BRD3: variants seen among roughly 807,000 people sequenced by gnomAD.
BRD3 encodes bromodomain-containing protein 3.
In BRD3, 17 loss-of-function variants were observed where a neutral mutation model predicts 66.8. The ratio of observed to expected loss-of-function variants is 0.25; its 90% confidence interval spans 0.17 to 0.38. The LOEUF (loss-of-function observed/expected upper bound fraction) is 0.38. Among genes scored for constraint, BRD3 ranks in the 10% least tolerant of loss-of-function variants. The pLI, the probability that BRD3 is intolerant of heterozygous loss-of-function variation, is 1.00. For missense variants in BRD3, 713 were observed against 956.1 expected, an observed-to-expected ratio of 0.75 and a Z score of 3.35; for synonymous variants, 421 against 393.2, an observed-to-expected ratio of 1.07 and a Z score of -0.84.
At position 134,041,949 on chromosome 9, in the gene BRD3, G is replaced by A. The variant is rs375935237; in HGVS notation, c.1218C>T (p.Asp406=). ...TCTTGGCAAACCTCATCTCAAACAC[G>A]TCCTGCGGCAGAACAGAGGCTGCCC... ...EVVAMARKLQ[D]VFEMRFAKMP... Residue 406 remains aspartate, a splice_region_variant and synonymous_variant, in exon 8 of 12, where the codon GAC becomes GAT. Transcript: ENST00000303407. 32 of 1,576,312 alleles carry A rather than the reference G, an allele frequency of 2.0e-5. No homozygotes were observed. Among genetic ancestry groups the A allele is most frequent in the African/African-American group, 6.7e-5 (5 of 74,168 alleles).
chr9:134,048,348 T>C lies in BRD3; in HGVS notation c.821A>G (p.Lys274Arg). 6.3e-7 allele frequency: 1 copy of C among 1,599,278 alleles called. No homozygotes were observed. The highest frequency in any genetic ancestry group is 1.1e-5 in the South Asian group (1 of 91,070). Residue 274 changes from lysine (K) to arginine (R), a missense_variant, in exon 6 of 12, where the codon AAA becomes AGA. Around this residue, in one of 5 missense-constraint regions of BRD3, gnomAD observed 418 missense variants for 609.3 expected, o/e 0.69. Transcript: ENST00000303407. ...PPPLSDPKQA[K>R]VVARRESGGR... Reference sequence around the variant, plus strand: ...ACCACTCTCCCGCCGGGCCACCACTTTGGCCTGCTTGGGGTCTGACAACGG... The same window carrying C: ...ACCACTCTCCCGCCGGGCCACCACTCTGGCCTGCTTGGGGTCTGACAACGG...
chr9:134,048,236 G>C lies in BRD3; in HGVS notation c.933C>G (p.His311Gln). 6.2e-7 allele frequency: 1 copy of C among 1,612,342 alleles called. No individual in the cohort carries two copies. Among genetic ancestry groups the C allele is most frequent in the South Asian group, 1.1e-5 (1 of 91,028 alleles). The stretch of plus-strand genomic sequence containing the variant: ...TGAGGATGCTGTCGCAGTAGCGTAG[G>C]TGCTCCGACAGCTTGCCCTTCTTGC... The part of the protein sequence containing the change: ...HAGKKGKLSE[H>Q]LRYCDSILRE... The change falls in exon 6 of 12, where the codon CAC becomes CAG. Residue 311 changes from histidine to glutamine, a missense_variant. By Grantham distance (24) the His-to-Gln change is conservative. Around this residue, in one of 5 missense-constraint regions of BRD3, gnomAD observed 418 missense variants for 609.3 expected, o/e 0.69. Transcript: ENST00000303407.
chr9:134,046,845 G>A (rs898907185), intron 6 of BRD3, among the ~76,000 whole-genome samples: 7 of 152,212 alleles, frequency 4.6e-5, no homozygotes, highest in Non-Finnish European at 1.0e-4. Flanking sequence ...TTTTTCTAGA[G>A]CTTCTTTATT....
At chr9:134,047,976 C>A in intron 6 of BRD3, 107 bp downstream of exon 6, 2 of 1,395,488 alleles carry the variant, frequency 1.4e-6, no homozygotes, top group Non-Finnish European at 9.4e-7. Context: ...CTCCGGCAAG[C>A]GAGACCCTGC....
chr9:134,044,400 G>T (rs1369131191), intron 7 of BRD3, among the ~76,000 whole-genome samples: 1 of 152,152 alleles, frequency 6.6e-6, no homozygotes, highest in Admixed American at 6.5e-5. Context: ...GCTGCTCGGG[G>T]ATTTCAAAAC....
chr9:134,042,422 C>T (rs1021907585), intron 7 of BRD3, among the ~76,000 whole-genome samples: 3 of 152,256 alleles, frequency 2.0e-5, no homozygotes, highest in African/African-American at 7.2e-5. Flanking sequence ...CGGTGAACTC[C>T]AAAAGTTGGC....
At chr9:134,036,926 G>A (rs1335947782) in intron 9 of BRD3, among the ~76,000 whole-genome samples, 1 of 151,798 alleles carries the variant, frequency 6.6e-6, no homozygotes, top group Non-Finnish European at 1.5e-5. Context: ...CAGGAGAATC[G>A]CTTGAACCAG....
chr9:134,048,917 G>A (rs528851074), intron 5 of BRD3, among the ~76,000 whole-genome samples: 16 of 152,288 alleles, frequency 1.1e-4, no homozygotes, highest in Admixed American at 3.9e-4. Context: ...GGGGCTCCGC[G>A]GACAAACACA....
chr9:134,056,335 G>T (rs1241707256), intron 1 of BRD3, among the ~76,000 whole-genome samples: 2 of 152,202 alleles, frequency 1.3e-5, no homozygotes, highest in African/African-American at 4.8e-5. Context: ...AGGCTGAGGG[G>T]TGCAGTATAA....
intron 1 of BRD3, among the ~76,000 whole-genome samples, chr9:134,063,153 C>T (rs1009682474): frequency 4.6e-5 from 7 of 152,254 alleles, no homozygotes; most frequent in African/African-American, 1.7e-4. Context: ...TTGGTTATTT[C>T]GTCTATGTTC....
chr9:134,040,267 C>T lies in BRD3; in HGVS notation c.1410G>A (p.Leu470=). The part of the protein sequence containing the change: ...ATRLAELQEQ[L]KAVHEQLAAL... ...CGGCCAGCTGCTCGTGCACGGCCTTCAGCTGGAAAAGAGCGGGCGGCTGAG... is the reference window on the plus strand; with the variant it reads ...CGGCCAGCTGCTCGTGCACGGCCTTTAGCTGGAAAAGAGCGGGCGGCTGAG... Residue 470 remains leucine, a splice_region_variant and synonymous_variant, in exon 9 of 12, where the codon CTG becomes CTA. Transcript: ENST00000303407. 1 of 1,594,750 alleles carries T rather than the reference C, an allele frequency of 6.3e-7. No homozygotes were observed. The highest frequency in any genetic ancestry group is 8.5e-7 in the Non-Finnish European group (1 of 1,171,898).
rs190237943 is a variant in BRD3, at chr9:134,066,012, T to C, written c.-114+1933A>G. 2.9e-3 allele frequency among the ~76,000 whole-genome samples: 434 copies of C among 152,004 alleles called. 7 individuals carry two copies. The highest frequency in any genetic ancestry group is 0.025 in the Admixed American group (376 of 15,286). On this transcript the variant is annotated intron_variant, in intron 1 of 11. Transcript: ENST00000303407. ...GTCCTTCATTCAAAGCTCACTCACT[T>C]CCGAAGCAGGCGCGAGCTGTTGTCA... is the stretch of plus-strand genomic sequence containing the variant.
In BRD3 at chr9:134,033,220, G is replaced by C. The variant is rs1189548635; in HGVS notation, c.*370C>G. 2.5e-6 allele frequency: 1 copy of C among 404,966 alleles called. No individual in the cohort carries two copies. Among genetic ancestry groups the C allele is most frequent in the Admixed American group, 4.3e-5 (1 of 23,140 alleles). 25.1% of individuals were successfully genotyped at this position (404,966 alleles called of 1,614,324 possible). A position where few individuals can be genotyped will look rare whatever the true frequency, so the allele number is the denominator to read the frequency against. ...GTACCCATATCCGAGACATTTCCTT[G>C]GAAAAAATTCTTTCTCGAGCTATCG... On this transcript the variant is annotated 3_prime_UTR_variant, in exon 12 of 12. Coordinates refer to ENST00000303407, the MANE Select transcript of BRD3 (RefSeq NM_007371.4). The surrounding 1 kb of genome is among the most constrained non-coding windows in gnomAD (Gnocchi z 5.1).
intron 7 of BRD3, among the ~76,000 whole-genome samples, chr9:134,044,416 A>G (rs754919635): frequency 1.3e-5 from 2 of 152,182 alleles, no homozygotes; most frequent in East Asian, 1.9e-4. Context: ...AAAACAGTCT[A>G]TGCAAGGACT....
At chr9:134,042,270 T>G (rs1297854526) in intron 7 of BRD3, among the ~76,000 whole-genome samples, 1 of 152,172 alleles carries the variant, frequency 6.6e-6, no homozygotes, top group Non-Finnish European at 1.5e-5. Flanking sequence ...CAAAGCTCCC[T>G]GGGGCTGCCT....
chr9:134,066,140 C>A (rs1415358145), intron 1 of BRD3, among the ~76,000 whole-genome samples: 1 of 152,160 alleles, frequency 6.6e-6, no homozygotes, highest in East Asian at 1.9e-4. Flanking sequence ...CCGGATGTCC[C>A]AACGGCAGGG....
intron 6 of BRD3, 35 bp downstream of exon 6, chr9:134,048,048 A>G (rs1178257238): frequency 5.3e-6 from 8 of 1,521,504 alleles, no homozygotes; most frequent in Non-Finnish European, 6.2e-6. Context: ...GCCGCAGGAC[A>G]TGGGCAGAGC....
intron 1 of BRD3, among the ~76,000 whole-genome samples, chr9:134,059,153 T>TG (rs1193607454): frequency 1.3e-5 from 2 of 152,168 alleles, no homozygotes; most frequent in Non-Finnish European, 2.9e-5. Flanking sequence ...CATGATAATG[T>TG]GGGGGGTGAA....
chr9:134,043,215 C>T (rs1333435035), intron 7 of BRD3, among the ~76,000 whole-genome samples: 1 of 151,994 alleles, frequency 6.6e-6, no homozygotes, highest in Non-Finnish European at 1.5e-5. Flanking sequence ...AAGTGATCCT[C>T]CCACCCTGGC....
Sources: gnomAD v4.1 joint callset for allele counts (sites outside exome capture counted in the v4.1 genomes callset) on GRCh38, gnomAD v4.1.1 for gene constraint, gnomAD v4.1.1 regional missense constraint, Gnocchi (gnomAD v3.1) non-coding constraint, MANE v1.5 for transcripts, NCBI Gene and HGNC (gene_info 2026-07-23, HGNC 2026-07-21) for gene names.